The following TBC1D5 variants were observed in gnomAD, a reference collection of about 807,000 sequenced individuals.
TBC1D5 encodes TBC1 domain family, member 5.
TBC1D5 carries 75 observed loss-of-function variants against 100.3 expected under a neutral mutation model. That is an observed-to-expected ratio of 0.75 (90% CI 0.62 to 0.91). The LOEUF (loss-of-function observed/expected upper bound fraction) is 0.91. Ranked by LOEUF, TBC1D5 falls within the 40% of genes least tolerant of loss-of-function variation. The pLI, the probability that TBC1D5 is intolerant of heterozygous loss-of-function variation, is 0.00. For missense variants in TBC1D5, 910 were observed against 942.4 expected (o/e 0.97, Z 0.45); for synonymous variants, 323 against 325.6 (o/e 0.99, Z 0.09).
chr3:17,598,191 A>G (rs952725822), intron 2 of TBC1D5, among the ~76,000 whole-genome samples: 2 of 152,208 alleles, frequency 1.3e-5, no homozygotes, highest in Non-Finnish European at 2.9e-5. Context: ...CTTGACTCCA[A>G]GAGATGAAAA....
chr3:17,493,875 T>A (rs375301114), intron 3 of TBC1D5, among the ~76,000 whole-genome samples: 3 of 152,196 alleles, frequency 2.0e-5, no homozygotes, highest in African/African-American at 7.2e-5. Flanking sequence ...TAGAACATAC[T>A]CCTTTGGCTC....
At chr3:17,296,278 T>A (rs2082249860) in intron 14 of TBC1D5, among the ~76,000 whole-genome samples, 1 of 152,264 alleles carries the variant, frequency 6.6e-6, no homozygotes, top group Non-Finnish European at 1.5e-5. Context: ...TAGTTAATTG[T>A]ACTTGACTGA....
intron 15 of TBC1D5, among the ~76,000 whole-genome samples, chr3:17,273,886 C>T (rs1187617155): frequency 6.6e-6 from 1 of 150,868 alleles, no homozygotes; most frequent in Non-Finnish European, 1.5e-5. Context: ...TTGGGAAATG[C>T]AACAAATTGT....
intron 18 of TBC1D5, among the ~76,000 whole-genome samples, chr3:17,188,685 A>G (rs1379777176): frequency 6.6e-6 from 1 of 152,242 alleles, no homozygotes; most frequent in Non-Finnish European, 1.5e-5. Context: ...ATATAATTAC[A>G]CATAAAAGAA....
chr3:17,531,617 G>A (rs1010689098), intron 2 of TBC1D5, among the ~76,000 whole-genome samples: 4 of 152,164 alleles, frequency 2.6e-5, no homozygotes, highest in African/African-American at 9.7e-5. Flanking sequence ...AAACAGCATG[G>A]TACTGGTACC....
At chr3:17,504,557 G>C (rs751898453) in intron 3 of TBC1D5, among the ~76,000 whole-genome samples, 1 of 152,106 alleles carries the variant, frequency 6.6e-6, no homozygotes, top group African/African-American at 2.4e-5. Flanking sequence ...TTTAGAACTG[G>C]CTTAGCATAT....
At chr3:17,288,161 T>C (rs765110711) in intron 15 of TBC1D5, among the ~76,000 whole-genome samples, 46 of 152,202 alleles carry the variant, frequency 3.0e-4, no homozygotes, top group Non-Finnish European at 5.3e-4. Flanking sequence ...CCCTCTTTTT[T>C]TCCCCCTTAG....
chr3:17,218,814 T>C (rs1313465528), intron 17 of TBC1D5, among the ~76,000 whole-genome samples: 1 of 152,034 alleles, frequency 6.6e-6, no homozygotes, highest in Non-Finnish European at 1.5e-5. Flanking sequence ...GAGCTGTTCT[T>C]CTATTGCTGC....
rs757713718 is a variant in TBC1D5, at chr3:17,394,678, G to C, written c.509+8503C>G. 5.5e-4 allele frequency among the ~76,000 whole-genome samples: 84 copies of C among 152,042 alleles called. 3 individuals carry two copies. The highest frequency in any genetic ancestry group is 1.5e-4 in the Non-Finnish European group (10 of 67,974). On this transcript the variant is annotated intron_variant, in intron 8 of 21. Transcript: ENST00000253692. ...AGAAGAGGCAGTCTTTTCTTTATTT[G>C]AATCTTGAACTTCTAAAACAGTGGC...
chr3:17,300,166 C>T (rs2082684458), intron 14 of TBC1D5, among the ~76,000 whole-genome samples: 1 of 152,092 alleles, frequency 6.6e-6, no homozygotes. Flanking sequence ...TAACAGGGTA[C>T]ATTAATATAA....
chr3:17,383,084 T>C (rs1421957260), intron 9 of TBC1D5, among the ~76,000 whole-genome samples: 2 of 152,070 alleles, frequency 1.3e-5, no homozygotes, highest in African/African-American at 4.8e-5. Context: ...ATGTACGATT[T>C]GGTATATTTG....
intron 3 of TBC1D5, among the ~76,000 whole-genome samples, chr3:17,492,369 G>A (rs2095649887): frequency 6.6e-6 from 1 of 151,802 alleles, no homozygotes; most frequent in South Asian, 2.1e-4. Flanking sequence ...GTTCTTTTAG[G>A]TGTGATGTTA....
chr3:17,286,314 A>G (rs1159458234), intron 15 of TBC1D5, among the ~76,000 whole-genome samples: 1 of 152,244 alleles, frequency 6.6e-6, no homozygotes, highest in Non-Finnish European at 1.5e-5. Flanking sequence ...GCCTTCAGGA[A>G]GGAAAGAACA....
intron 10 of TBC1D5, among the ~76,000 whole-genome samples, chr3:17,376,317 C>T (rs1575589896): frequency 6.6e-6 from 1 of 152,080 alleles, no homozygotes; most frequent in East Asian, 1.9e-4. Context: ...ATTCCAAAGA[C>T]ATTTATGATT....
chr3:17,184,093 CA>C (rs1332223161), intron 19 of TBC1D5, among the ~76,000 whole-genome samples: 2 of 152,206 alleles, frequency 1.3e-5, no homozygotes, highest in African/African-American at 4.8e-5. Context: ...TGGTGCATGA[CA>C]AAAGCTTTTG....
At chr3:17,452,250 G>A (rs534298500) in intron 3 of TBC1D5, among the ~76,000 whole-genome samples, 2 of 151,588 alleles carry the variant, frequency 1.3e-5, no homozygotes, top group African/African-American at 2.4e-5. Flanking sequence ...AGGAAGGAAG[G>A]GAAGATTACA....
intron 13 of TBC1D5, among the ~76,000 whole-genome samples, chr3:17,347,291 C>T (rs1004022153): frequency 2.6e-5 from 4 of 152,048 alleles, no homozygotes; most frequent in Non-Finnish European, 5.9e-5. Flanking sequence ...ATATCAAGCA[C>T]CTGAAACCAC....
intron 1 of TBC1D5, among the ~76,000 whole-genome samples, chr3:17,628,373 G>GA (rs34506883): frequency 0.02 from 2,406 of 122,268 alleles, 41 homozygotes; most frequent in South Asian, 0.055. Flanking sequence ...TCTGTCTTAG[G>GA]AAAAAAAAAA....
rs908594588 is a variant in TBC1D5 at position 17,197,510 on chromosome 3, A to G, written c.1753-12302T>C. 7.9e-5 allele frequency among the ~76,000 whole-genome samples: 12 copies of G among 152,092 alleles called. No individual in the cohort carries two copies. In the East Asian group the frequency reaches 2.1e-3, roughly 27 times the overall value. On this transcript the variant is annotated intron_variant, in intron 18 of 21. Coordinates refer to ENST00000253692, the Ensembl canonical transcript of TBC1D5. ...TTTCACCTCAACCTCCCAAATAGCT[A>G]GAATTACAGGTGTGTGCCACCAAGC...
Sources: gnomAD v4.1 joint callset for allele counts (sites outside exome capture counted in the v4.1 genomes callset) on GRCh38, gnomAD v4.1.1 for gene constraint, MANE v1.5 for transcripts, NCBI Gene and HGNC (gene_info 2026-07-23, HGNC 2026-07-21) for gene names.